The following SEPTIN9 variants were observed in gnomAD, a reference collection of about 807,000 sequenced individuals.
SEPTIN9 encodes the protein septin 9.
In SEPTIN9, 13 loss-of-function variants were observed where a neutral mutation model predicts 56.6. The observed-to-expected ratio is 0.23, with a 90% CI of 0.15 to 0.37. SEPTIN9 has a LOEUF of 0.37. SEPTIN9 is among the 10% of genes least tolerant of loss of function. SEPTIN9 has a pLI of 1.00. For synonymous variants in SEPTIN9, 332 were observed against 334.1 expected, an observed-to-expected ratio of 0.99 and a Z score of 0.07; for missense variants, 650 against 823.1, an observed-to-expected ratio of 0.79 and a Z score of 2.57.
At chr17:77,365,816 C>A (rs567812283) in intron 2 of SEPTIN9, among the ~76,000 whole-genome samples, 3 of 152,296 alleles carry the variant, frequency 2.0e-5, no homozygotes, top group South Asian at 2.1e-4. Flanking sequence ...CCCTGGGGAC[C>A]ACGTCGCCTC....
intron 3 of SEPTIN9, among the ~76,000 whole-genome samples, chr17:77,477,085 C>T: frequency 6.6e-6 from 1 of 151,842 alleles, no homozygotes; most frequent in Non-Finnish European, 1.5e-5. Context: ...CTCCCTCCTC[C>T]CCTCCCTTTT....
intron 2 of SEPTIN9, chr17:77,376,161 A>G (rs1281393379): frequency 4.4e-5 from 43 of 987,100 alleles, no homozygotes; most frequent in Non-Finnish European, 5.2e-5. Flanking sequence ...GGCCAGCAGC[A>G]GCCAGCAGCA....
chr17:77,319,676 C>G lies in SEPTIN9; in HGVS notation c.76+12479C>G. ...CAGGGTGAAGAAGGGCTGGGGCCAG[C>G]CCAGGACAGAGGAAGGCGAGGCAGG... On this transcript the variant is annotated intron_variant, in intron 2 of 11. Coordinates refer to ENST00000427177, the MANE Select transcript of SEPTIN9 (RefSeq NM_001113491.2). The surrounding 1 kb of genome is among the most constrained non-coding windows in gnomAD (Gnocchi z 5.3). The G allele has an allele frequency of 9.4e-6, 10 of 1,065,596 alleles. No individual in the cohort carries two copies. Among genetic ancestry groups the G allele is most frequent in the Non-Finnish European group, 1.1e-5 (10 of 879,416 alleles). The allele number at this position is 1,065,596 out of a possible 1,614,324, so 66.0% of individuals were successfully genotyped here.
intron 1 of SEPTIN9, among the ~76,000 whole-genome samples, chr17:77,298,677 G>A (rs1387658054): frequency 6.6e-6 from 1 of 152,122 alleles, no homozygotes; most frequent in Non-Finnish European, 1.5e-5. Context: ...TGGAGATGGG[G>A]GTCAGCTGTC....
rs1329932754 is a variant in SEPTIN9 at position 77,369,482 on chromosome 17, G to C, written c.77-32577G>C. ...AAGAGAGGAGTCAACAGTGGTGCCCGGAGACTTGGCTTGAGCAACTAGGTG... is the reference window on the plus strand; with the variant it reads ...AAGAGAGGAGTCAACAGTGGTGCCCCGAGACTTGGCTTGAGCAACTAGGTG... On this transcript the variant is annotated intron_variant, in intron 2 of 11. Coordinates refer to ENST00000427177, the MANE Select transcript of SEPTIN9 (RefSeq NM_001113491.2). This position sits in a 1 kb window ranked among gnomAD's most constrained non-coding sequence, Gnocchi z 4.9. Among the ~76,000 whole-genome samples the C allele has an allele frequency of 6.6e-6, 1 of 152,046 alleles. No individual in the cohort carries two copies. The highest frequency in any genetic ancestry group is 2.4e-5 in the African/African-American group (1 of 41,368).
chr17:77,338,058 G>A (rs1241029669), intron 2 of SEPTIN9, among the ~76,000 whole-genome samples: 1 of 152,112 alleles, frequency 6.6e-6, no homozygotes, highest in Middle Eastern at 3.2e-3. Context: ...TTAGCTGGGT[G>A]TGGTGGCACA....
chr17:77,321,564 A>G (rs2032930642), intron 2 of SEPTIN9, among the ~76,000 whole-genome samples: 2 of 151,100 alleles, frequency 1.3e-5, no homozygotes, highest in South Asian at 2.1e-4. Context: ...ATTTTTTTGT[A>G]TTTTTAGTAG....
At position 77,499,404 on chromosome 17, in the gene SEPTIN9, G is replaced by A; in HGVS notation, c.*746G>A. 1 of 543,186 alleles carries A rather than the reference G, an allele frequency of 1.8e-6. No homozygotes were observed. The highest frequency in any genetic ancestry group is 3.6e-6 in the Non-Finnish European group (1 of 280,356). The allele number at this position is 543,186 out of a possible 1,614,324, so 33.6% of individuals were successfully genotyped here. A position where few individuals can be genotyped will look rare whatever the true frequency, so the allele number is the denominator to read the frequency against. Reference sequence around the variant, plus strand: ...ACGCCACCCCCGCCCCCACCGGGCTGCAGGTGCTGCTGATGCGCTGGGATC... The same window carrying A: ...ACGCCACCCCCGCCCCCACCGGGCTACAGGTGCTGCTGATGCGCTGGGATC... On this transcript the variant is annotated 3_prime_UTR_variant, in exon 12 of 12. Coordinates refer to ENST00000427177, the MANE Select transcript of SEPTIN9 (RefSeq NM_001113491.2).
In SEPTIN9 at chr17:77,487,595, C is replaced by T. The variant is rs1400995967; in HGVS notation, c.1042+43C>T. 2 of 1,594,894 alleles carry T rather than the reference C, an allele frequency of 1.3e-6. No homozygotes were observed. The highest frequency in any genetic ancestry group is 2.3e-5 in the East Asian group (1 of 44,444). On this transcript the variant is annotated intron_variant, in intron 5 of 11. Transcript: ENST00000427177. This position sits in a 1 kb window ranked among gnomAD's most constrained non-coding sequence, Gnocchi z 4.3. Reference sequence around the variant, plus strand: ...GGCTGGGGGTGCAGGACGCCCCTGCCTTCCTGGAGCACAGGGGTTGGGGGT... The same window carrying T: ...GGCTGGGGGTGCAGGACGCCCCTGCTTTCCTGGAGCACAGGGGTTGGGGGT...
At position 77,487,157 on chromosome 17, in the gene SEPTIN9, C is replaced by T. The variant is rs1407291980; in HGVS notation, c.914-267C>T. Among the ~76,000 whole-genome samples the T allele has an allele frequency of 1.3e-5, 2 of 152,236 alleles. No individual in the cohort carries two copies. Among genetic ancestry groups the T allele is most frequent in the Non-Finnish European group, 2.9e-5 (2 of 68,034 alleles). On this transcript the variant is annotated intron_variant, in intron 4 of 11. Transcript: ENST00000427177. The surrounding 1 kb of genome is among the most constrained non-coding windows in gnomAD (Gnocchi z 4.3). ...GGGGCACAAGAGATGCCGACTCTCC[C>T]AGGCCCGGCTCACCTCTCAGGAGAG...
At chr17:77,384,842 A>AACACACACACACACACACACAC (rs146495461) in intron 2 of SEPTIN9, among the ~76,000 whole-genome samples, 4 of 142,258 alleles carry the variant, frequency 2.8e-5, no homozygotes, top group African/African-American at 7.9e-5. Flanking sequence ...AACCTGTTTA[A>AACACACACACACACACACACAC]ACACACACAC....
intron 3 of SEPTIN9, among the ~76,000 whole-genome samples, chr17:77,454,671 T>C (rs73375384): frequency 0.035 from 5,375 of 152,236 alleles, 170 homozygotes; most frequent in African/African-American, 0.079. Flanking sequence ...CCTCCCAGAG[T>C]TGGCTGTTCA....
At chr17:77,363,325 T>G (rs1395223809) in intron 2 of SEPTIN9, among the ~76,000 whole-genome samples, 5 of 145,580 alleles carry the variant, frequency 3.4e-5, no homozygotes, top group African/African-American at 5.1e-5. Context: ...AATCTCAAAG[T>G]GGGCCACCCA....
rs934719989 is a variant in SEPTIN9 at position 77,415,404 on chromosome 17, C to T, written c.721+12701C>T. On this transcript the variant is annotated intron_variant, in intron 3 of 11. Transcript: ENST00000427177. ...GGCAGATCACCTGAGGTCAGGAGTTCGAGACCAGCCTGGCCAACATGGCAA... is the reference window on the plus strand; with the variant it reads ...GGCAGATCACCTGAGGTCAGGAGTTTGAGACCAGCCTGGCCAACATGGCAA... Among the ~76,000 whole-genome samples the T allele has an allele frequency of 8.5e-5, 13 of 152,096 alleles. No homozygotes were observed. The East Asian group carries it at 9.6e-4, about 11-fold the overall frequency.
chr17:77,486,467 T>C (rs2039783480), intron 4 of SEPTIN9, among the ~76,000 whole-genome samples: 1 of 150,506 alleles, frequency 6.6e-6, no homozygotes, highest in African/African-American at 2.5e-5. Context: ...GGTAAAGCAA[T>C]GGGGCTCCGA....
intron 8 of SEPTIN9, among the ~76,000 whole-genome samples, chr17:77,491,223 CT>C (rs67717908): frequency 3.0e-4 from 45 of 149,428 alleles, no homozygotes; most frequent in Admixed American, 4.0e-4. Context: ...TATGCCCCCC[CT>C]TTTTTTTTTT....
In SEPTIN9 at chr17:77,329,656, T is replaced by C. The variant is rs1202713508; in HGVS notation, c.76+22459T>C. Among the ~76,000 whole-genome samples, 2 of 152,098 alleles carry C rather than the reference T, an allele frequency of 1.3e-5. No individual in the cohort carries two copies. Among genetic ancestry groups the C allele is most frequent in the Non-Finnish European group, 2.9e-5 (2 of 68,004 alleles). On this transcript the variant is annotated intron_variant, in intron 2 of 11. Coordinates refer to ENST00000427177, the MANE Select transcript of SEPTIN9 (RefSeq NM_001113491.2). This position sits in a 1 kb window ranked among gnomAD's most constrained non-coding sequence, Gnocchi z 4.3. Reference sequence around the variant, plus strand: ...CATGGTGAGCCCTGGTGTGATGCACTTAACACCTGCTGGTGCCCCCATCCC... The same window carrying C: ...CATGGTGAGCCCTGGTGTGATGCACCTAACACCTGCTGGTGCCCCCATCCC...
At chr17:77,296,912 T>C (rs999565013) in intron 1 of SEPTIN9, among the ~76,000 whole-genome samples, 1 of 151,758 alleles carries the variant, frequency 6.6e-6, no homozygotes, top group African/African-American at 2.4e-5. Flanking sequence ...GACAGATGGA[T>C]GATAGGTAGA....
At chr17:77,336,590 G>T (rs774303927) in intron 2 of SEPTIN9, among the ~76,000 whole-genome samples, 2 of 152,066 alleles carry the variant, frequency 1.3e-5, no homozygotes, top group Non-Finnish European at 1.5e-5. Flanking sequence ...ATAGATTTTT[G>T]TATGTAAATC....
Sources: gnomAD v4.1 joint callset for allele counts (sites outside exome capture counted in the v4.1 genomes callset) on GRCh38, gnomAD v4.1.1 for gene constraint, Gnocchi (gnomAD v3.1) non-coding constraint, MANE v1.5 for transcripts, NCBI Gene and HGNC (gene_info 2026-07-23, HGNC 2026-07-21) for gene names.